TG: variants seen among roughly 807,000 people sequenced by gnomAD.
TG encodes the protein thyroglobulin, also known as thyroid hormones.
Under a neutral mutation model 324.7 loss-of-function variants are expected in TG, and 270 were observed. The ratio of observed to expected loss-of-function variants is 0.83; its 90% confidence interval spans 0.75 to 0.92. The LOEUF (loss-of-function observed/expected upper bound fraction) is 0.92. Among genes scored for constraint, TG ranks in the 40% least tolerant of loss-of-function variants. The pLI is 0.00. For synonymous variants in TG, 1,401 were observed against 1,327.0 expected, an observed-to-expected ratio of 1.06 and a Z score of -1.21; for missense variants, 3,591 against 3,456.4, an observed-to-expected ratio of 1.04 and a Z score of -0.98.
chr8:133,037,396 G>T (rs910948266), intron 41 of TG: 1 of 152,148 alleles, frequency 6.6e-6, no homozygotes, highest in Admixed American at 6.5e-5. Flanking sequence ...TAAAGTACCG[G>T]GTGAGTTAAT....
chr8:132,869,904 G>A, intron 3 of TG, 78 bp downstream of exon 3: 2 of 1,319,994 alleles, frequency 1.5e-6, no homozygotes, highest in Non-Finnish European at 1.1e-6. Flanking sequence ...CTGGGTTTGG[G>A]TGGGTGACTG....
rs530091900 is a variant in TG at position 133,039,503 on chromosome 8, C to G, written c.7239+9480C>G. On this transcript the variant is annotated intron_variant, in intron 41 of 47. Coordinates refer to ENST00000220616, the MANE Select transcript of TG (RefSeq NM_003235.5). ...AAGATAACCCACCAATCCCAAACTA[C>G]AGATATCCTTTAAAATTCACAGGCT... Among the ~76,000 whole-genome samples the G allele has an allele frequency of 8.5e-5, 13 of 152,276 alleles. No individual in the cohort carries two copies. In the East Asian group the frequency reaches 2.3e-3, roughly 27 times the overall value.
At chr8:133,049,044 A>G in intron 41 of TG, 1 of 395,792 alleles carries the variant, frequency 2.5e-6, no homozygotes. Flanking sequence ...CCGACACTTG[A>G]CAGATGAGGA....
At chr8:133,009,238 T>C (rs1834282401) in intron 35 of TG, among the ~76,000 whole-genome samples, 1 of 152,194 alleles carries the variant, frequency 6.6e-6, no homozygotes, top group Non-Finnish European at 1.5e-5. Flanking sequence ...AAAATTGCAG[T>C]GTTCTCACCC....
At chr8:133,108,066 C>A (rs1849969266) in intron 43 of TG, among the ~76,000 whole-genome samples, 1 of 148,298 alleles carries the variant, frequency 6.7e-6, no homozygotes, top group African/African-American at 2.5e-5. Context: ...ACTGCAAGCT[C>A]TGTCTGCCAG....
intron 41 of TG, among the ~76,000 whole-genome samples, chr8:133,069,466 T>C (rs1232599867): frequency 6.6e-6 from 1 of 152,126 alleles, no homozygotes; most frequent in South Asian, 2.1e-4. Flanking sequence ...GAGATCTCCA[T>C]GATGTTTTTA....
chr8:133,022,196 G>A, intron 40 of TG, 46 bp downstream of exon 40: 1 of 1,613,040 alleles, frequency 6.2e-7, no homozygotes, highest in Middle Eastern at 1.8e-4. Flanking sequence ...CTGAGCCAAG[G>A]CTCAGCCCCT....
At chr8:133,028,423 T>G (rs190504917) in intron 40 of TG, among the ~76,000 whole-genome samples, 112 of 152,352 alleles carry the variant, frequency 7.4e-4, no homozygotes, top group Admixed American at 4.1e-3. Context: ...TGTGTCGTTA[T>G]GCACTCTGAG....
At chr8:133,101,101 C>T (rs1284170516) in intron 43 of TG, among the ~76,000 whole-genome samples, 1 of 152,072 alleles carries the variant, frequency 6.6e-6, no homozygotes, top group Non-Finnish European at 1.5e-5. Context: ...TGGCGGGTGG[C>T]AGGCTCTACC....
rs1227003936 is a variant in TG at position 133,134,714 on chromosome 8, G to C, written c.8227G>C (p.Glu2743Gln). The change falls in exon 48 of 48, where the codon GAG (glutamate) becomes CAG (glutamine). Residue 2743 changes from glutamate to glutamine, a missense_variant. Transcript: ENST00000220616. ...KGGQSAESEE[E>Q]ELTAGSGLRE... Reference sequence around the variant, plus strand: ...CGGGCAGTCAGCAGAGAGTGAAGAGGAGGAGTTGACGGCTGGATCTGGGCT... The same window carrying C: ...CGGGCAGTCAGCAGAGAGTGAAGAGCAGGAGTTGACGGCTGGATCTGGGCT... 1 of 1,614,134 alleles carries C rather than the reference G, an allele frequency of 6.2e-7. No homozygotes were observed. The highest frequency in any genetic ancestry group is 8.5e-7 in the Non-Finnish European group (1 of 1,179,990).
intron 41 of TG, 74 bp downstream of exon 41, chr8:133,030,097 A>C: frequency 6.3e-7 from 1 of 1,585,480 alleles, no homozygotes; most frequent in Non-Finnish European, 8.7e-7. Context: ...GTGCTGCAAA[A>C]GTCTAGTTGG....
intron 22 of TG, among the ~76,000 whole-genome samples, chr8:132,924,592 A>G (rs997292137): frequency 1.3e-5 from 2 of 152,218 alleles, no homozygotes; most frequent in African/African-American, 4.8e-5. Flanking sequence ...CTGGATGGGA[A>G]AGTCCCAGGT....
chr8:133,126,887 A>G (rs909534534), intron 45 of TG, among the ~76,000 whole-genome samples: 1 of 152,132 alleles, frequency 6.6e-6, no homozygotes, highest in South Asian at 2.1e-4. Flanking sequence ...GGAGGAAGCT[A>G]TGGAGAAAGA....
chr8:133,068,088 G>A (rs1843374814), intron 41 of TG, among the ~76,000 whole-genome samples: 1 of 152,156 alleles, frequency 6.6e-6, no homozygotes, highest in Non-Finnish European at 1.5e-5. Flanking sequence ...CAATCCTGGG[G>A]CATCATAAAG....
rs767331634 is a variant in TG at position 132,919,545 on chromosome 8, T to A, written c.4528+20T>A. 6.2e-7 allele frequency: 1 copy of A among 1,613,378 alleles called. No homozygotes were observed. The highest frequency in any genetic ancestry group is 8.5e-7 in the Non-Finnish European group (1 of 1,179,812). On this transcript the variant is annotated intron_variant, in intron 21 of 47. Coordinates refer to ENST00000220616, the MANE Select transcript of TG (RefSeq NM_003235.5). ...CTCACTGTAAGTTCTGTGGAGTGCT[T>A]CTTTGAAAGAAAAGCCCTGCAATGA...
chr8:133,071,788 C>T (rs11990445), intron 41 of TG, among the ~76,000 whole-genome samples: 5,757 of 152,186 alleles, frequency 0.038, 267 homozygotes, highest in African/African-American at 0.11. Context: ...GTTTCCTTCA[C>T]GGCACATACC....
rs1225548630 is a variant in TG at position 132,897,778 on chromosome 8, C to T, written c.3131C>T (p.Ala1044Val). 1 of 1,614,222 alleles carries T rather than the reference C, an allele frequency of 6.2e-7. No individual in the cohort carries two copies. Among genetic ancestry groups the T allele is most frequent in the Non-Finnish European group, 8.5e-7 (1 of 1,180,030 alleles). The change falls in exon 12 of 48, where the codon GCT becomes GTT. Residue 1044 changes from alanine to valine, a missense_variant. Ala to Val is a moderately conservative substitution (Grantham distance 64). Coordinates refer to ENST00000220616, the MANE Select transcript of TG (RefSeq NM_003235.5). ...AGTTGGGAGCCTGTGCAGTGCCACG[C>T]TGGGACTGGTAAGGAGGGATAGGCA... ...FGSWEPVQCH[A>V]GTGHCWCVDE...
At chr8:133,015,386 C>T (rs1463191294) in intron 37 of TG, among the ~76,000 whole-genome samples, 2 of 152,202 alleles carry the variant, frequency 1.3e-5, no homozygotes, top group East Asian at 1.9e-4. Context: ...ATACACATGG[C>T]CACAGATAAT....
At chr8:132,909,426 G>A (rs1347715158) in intron 18 of TG, among the ~76,000 whole-genome samples, 2 of 152,210 alleles carry the variant, frequency 1.3e-5, no homozygotes, top group African/African-American at 2.4e-5. Context: ...GGAGTAAAAT[G>A]TTCTGGAATC....
Sources: allele counts gnomAD v4.1 joint callset (sites outside exome capture counted in the v4.1 genomes callset), GRCh38; gene constraint gnomAD v4.1.1; transcripts MANE v1.5; gene names NCBI Gene and HGNC (gene_info 2026-07-23, HGNC 2026-07-21).